GPX2: variants seen among roughly 807,000 people sequenced by gnomAD.
GPX2 encodes gastrointestinal glutathione peroxidase.
GPX2 carries 21 observed loss-of-function variants against 14.1 expected under a neutral mutation model. That is an observed-to-expected ratio of 1.48 (90% confidence interval 1.05 to 2.14). The LOEUF (loss-of-function observed/expected upper bound fraction) is 2.14, where lower values mean the gene tolerates loss of function less well. Among genes scored for constraint, GPX2 ranks in the 30% most tolerant of loss-of-function variants. GPX2 has a pLI of 0.00. For missense variants in GPX2, 241 were observed against 249.8 expected (o/e 0.96, Z 0.24); for synonymous variants, 94 against 95.2 (o/e 0.99, Z 0.07).
At chr14:64,941,364 T>G (rs1393142110) in intron 1 of GPX2, 1 of 1,275,588 alleles carries the variant, frequency 7.8e-7, no homozygotes, top group Admixed American at 2.4e-5. Flanking sequence ...CACTGTACCC[T>G]GGCAGATTTC....
chr14:64,940,344 C>T lies in GPX2; in HGVS notation c.223-506G>A, dbSNP rs1885565104. 6.2e-6 allele frequency: 3 copies of T among 481,680 alleles called. No homozygotes were observed. Among genetic ancestry groups the T allele is most frequent in the Non-Finnish European group, 1.2e-5 (3 of 254,094 alleles). 29.8% of individuals were successfully genotyped at this position (481,680 alleles called of 1,614,324 possible). A position where few individuals can be genotyped will look rare whatever the true frequency, so the allele number is the denominator to read the frequency against. ...TTCCTTTCCTCTGCCCTGGTTTTGC[C>T]TCGCCTGCTTTCAATTGCACGTGTG... is the stretch of plus-strand genomic sequence containing the variant. On this transcript the variant is annotated intron_variant, in intron 1 of 1. Coordinates refer to ENST00000389614, the MANE Select transcript of GPX2 (RefSeq NM_002083.4). The surrounding 1 kb of genome is among the most constrained non-coding windows in gnomAD (Gnocchi z 4.5).
rs1226431612 is a variant in GPX2 at position 64,940,981 on chromosome 14, C to G, written c.223-1143G>C. On this transcript the variant is annotated intron_variant, in intron 1 of 1. Transcript: ENST00000389614. This position sits in a 1 kb window ranked among gnomAD's most constrained non-coding sequence, Gnocchi z 4.5. ...CTGGGAGAAAGTTCCTGCTTCTGACCTGTGAGAACTAACTAGTTCAGTCAG... is the reference window on the plus strand; with the variant it reads ...CTGGGAGAAAGTTCCTGCTTCTGACGTGTGAGAACTAACTAGTTCAGTCAG... 6.6e-6 allele frequency among the ~76,000 whole-genome samples: 1 copy of G among 152,186 alleles called. No individual in the cohort carries two copies. The highest frequency in any genetic ancestry group is 1.5e-5 in the Non-Finnish European group (1 of 68,030).
Position 64,940,085 on chromosome 14 carries a change from T to G in GPX2, c.223-247A>C. On this transcript the variant is annotated intron_variant, in intron 1 of 1. Coordinates refer to ENST00000389614, the MANE Select transcript of GPX2 (RefSeq NM_002083.4). The surrounding 1 kb of genome is among the most constrained non-coding windows in gnomAD (Gnocchi z 4.5). ...ACACAGGCCACCATGCCCGGCTAAT[T>G]TTTTTTTTTTTTTGTAGAGATGGGG... is the stretch of plus-strand genomic sequence containing the variant. 1 of 1,045,542 alleles carries G rather than the reference T, an allele frequency of 9.6e-7. No homozygotes were observed. Among genetic ancestry groups the G allele is most frequent in the Non-Finnish European group, 1.3e-6 (1 of 790,148 alleles). 64.8% of individuals were successfully genotyped at this position (1,045,542 alleles called of 1,614,324 possible).
rs541259693 is a variant in GPX2, at chr14:64,939,342, CA to C, written c.*145del. 1.6e-4 allele frequency: 110 copies of C among 703,212 alleles called. 1 individual carries two copies. In the South Asian group the frequency reaches 1.9e-3, roughly 12 times the overall value. 43.6% of individuals were successfully genotyped at this position (703,212 alleles called of 1,614,324 possible). On this transcript the variant is annotated 3_prime_UTR_variant, in exon 2 of 2. Transcript: ENST00000389614. This position sits in a 1 kb window ranked among gnomAD's most constrained non-coding sequence, Gnocchi z 5.7. ...GGTTGGGAGAGGAAAAGGAAACAGG[CA>C]GAGGGGAAAGGCAAGGCTCTGCAGT...
chr14:64,940,022 T>G lies in GPX2; in HGVS notation c.223-184A>C, dbSNP rs1885541311. ...GCCTTGAACTTCTGGGCTCAAGCAT[T>G]CCTCCTGCTTCAGCCTCTTTAGTAG... On this transcript the variant is annotated intron_variant, in intron 1 of 1. Coordinates refer to ENST00000389614, the MANE Select transcript of GPX2 (RefSeq NM_002083.4). The surrounding 1 kb of genome is among the most constrained non-coding windows in gnomAD (Gnocchi z 4.5). 2 of 1,471,322 alleles carry G rather than the reference T, an allele frequency of 1.4e-6. No individual in the cohort carries two copies. Among genetic ancestry groups the G allele is most frequent in the Middle Eastern group, 2.4e-4 (1 of 4,082 alleles). 91.1% of individuals were successfully genotyped at this position (1,471,322 alleles called of 1,614,324 possible).
rs1298001718 is a variant in GPX2 at position 64,939,681 on chromosome 14, T to C, written c.380A>G (p.Tyr127Cys). ...AYLKDKLPYP[Y>C]DDPFSLMTDP... ...GGTCATGAGGGAAAATGGGTCATCA[T>C]AAGGGTAGGGGAGCTTGTCCTTCAG... The change falls in exon 2 of 2, where the codon TAT becomes TGT. Residue 127 changes from tyrosine (Y) to cysteine (C), a missense_variant. Physicochemically the swap from Tyr to Cys is radical, Grantham distance 194. Coordinates refer to ENST00000389614, the MANE Select transcript of GPX2 (RefSeq NM_002083.4). The surrounding 1 kb of genome is among the most constrained non-coding windows in gnomAD (Gnocchi z 5.7). The C allele has an allele frequency of 1.9e-6, 3 of 1,614,046 alleles. No individual in the cohort carries two copies. The highest frequency in any genetic ancestry group is 1.7e-6 in the Non-Finnish European group (2 of 1,179,994).
Position 64,942,646 on chromosome 14 carries a change from C to G in GPX2, c.81G>C (p.Arg27=). The change falls in exon 1 of 2, where the codon CGG becomes CGC. Residue 27 remains arginine, a synonymous_variant. Transcript: ENST00000389614. The stretch of plus-strand genomic sequence containing the variant: ...CATTCTCAATCAGCACGGCCCTGCC[C>G]CGGAACGTATTGAAATCTACCTTCT... The part of the protein sequence containing the change: ...DGEKVDFNTF[R]GRAVLIENVA... 1 of 1,614,188 alleles carries G rather than the reference C, an allele frequency of 6.2e-7. No homozygotes were observed.
In GPX2 at chr14:64,939,695, C is replaced by T. The variant is rs1469856106; in HGVS notation, c.366G>A (p.Lys122=). The part of the protein sequence containing the change: ...EHPVFAYLKD[K]LPYPYDDPFS... ...ATGGGTCATCATAAGGGTAGGGGAGCTTGTCCTTCAGGTAGGCGAAGACAG... is the reference window on the plus strand; with the variant it reads ...ATGGGTCATCATAAGGGTAGGGGAGTTTGTCCTTCAGGTAGGCGAAGACAG... The change falls in exon 2 of 2, where the codon AAG becomes AAA. Residue 122 remains lysine, a synonymous_variant. Coordinates refer to ENST00000389614, the MANE Select transcript of GPX2 (RefSeq NM_002083.4). This position sits in a 1 kb window ranked among gnomAD's most constrained non-coding sequence, Gnocchi z 5.7. The T allele has an allele frequency of 6.2e-7, 1 of 1,614,100 alleles. No individual in the cohort carries two copies. Among genetic ancestry groups the T allele is most frequent in the Non-Finnish European group, 8.5e-7 (1 of 1,180,020 alleles).
chr14:64,941,066 T>A (rs541698894), intron 1 of GPX2, among the ~76,000 whole-genome samples: 23 of 152,314 alleles, frequency 1.5e-4, no homozygotes, highest in African/African-American at 5.3e-4. Context: ...TCTCTGTTTT[T>A]GTTTCTGTTT....
Position 64,939,864 on chromosome 14 carries a change from G to A in GPX2, c.223-26C>T, listed in dbSNP as rs544721197. 146 of 1,606,538 alleles carry A rather than the reference G, an allele frequency of 9.1e-5. No individual in the cohort carries two copies. The highest frequency in any genetic ancestry group is 2.5e-4 in the Admixed American group (15 of 59,696). On this transcript the variant is annotated intron_variant, in intron 1 of 1. Transcript: ENST00000389614. This position sits in a 1 kb window ranked among gnomAD's most constrained non-coding sequence, Gnocchi z 5.7. The stretch of plus-strand genomic sequence containing the variant: ...CTAGGGGAGGAAAAAGACAAAGTGC[G>A]TGGACAGTGGGTGGGGGAAGAGAAA...
chr14:64,942,605 C>T lies in GPX2; in HGVS notation c.122G>A (p.Gly41Asp), dbSNP rs1227179068. 9 of 1,614,094 alleles carry T rather than the reference C, an allele frequency of 5.6e-6. No homozygotes were observed. Among genetic ancestry groups the T allele is most frequent in the African/African-American group, 1.3e-5 (1 of 74,938 alleles). ...CTGGGTGAAGTCCCGGGTGGTTGTG[C>T]CTCAGAGCGAAGCCACATTCTCAAT... is the stretch of plus-strand genomic sequence containing the variant. The part of the protein sequence containing the change: ...VLIENVASLU[G>D]TTTRDFTQLN... The change falls in exon 1 of 2, where the codon GGC (glycine) becomes GAC (aspartate). Residue 41 changes from glycine to aspartate, a missense_variant. Gly to Asp is a moderately conservative substitution (Grantham distance 94). Transcript: ENST00000389614.
intron 1 of GPX2, among the ~76,000 whole-genome samples, chr14:64,941,018 C>T (rs1312903444): frequency 2.6e-5 from 4 of 152,206 alleles, no homozygotes; most frequent in African/African-American, 9.6e-5. Context: ...TCCAGGCCAT[C>T]ATGACATCAT....
intron 1 of GPX2, chr14:64,941,174 C>T: frequency 3.7e-6 from 1 of 267,814 alleles, no homozygotes; most frequent in South Asian, 3.3e-5. Context: ...TCAGGCGATC[C>T]TGCTACTTCA....
rs151127021 is a variant in GPX2 at position 64,939,949 on chromosome 14, C to T, written c.223-111G>A. ...CTCCCTCCCCAGGGTCATTCTTTTTCACTGTGAAAGAGAGAGAGACAAGAC... is the reference window on the plus strand; with the variant it reads ...CTCCCTCCCCAGGGTCATTCTTTTTTACTGTGAAAGAGAGAGAGACAAGAC... On this transcript the variant is annotated intron_variant, in intron 1 of 1. Transcript: ENST00000389614. This position sits in a 1 kb window ranked among gnomAD's most constrained non-coding sequence, Gnocchi z 5.7. 631 of 1,461,914 alleles carry T rather than the reference C, an allele frequency of 4.3e-4. 6 individuals are homozygous for T. In the East Asian group the frequency reaches 0.015, roughly 36 times the overall value. The allele number at this position is 1,461,914 out of a possible 1,614,324, so 90.6% of individuals were successfully genotyped here.
intron 1 of GPX2, chr14:64,941,304 G>T: frequency 9.2e-7 from 1 of 1,086,970 alleles, no homozygotes; most frequent in Non-Finnish European, 1.2e-6. Flanking sequence ...CTGAGCTCAA[G>T]CAATCTGCCT....
rs1245300734 is a variant in GPX2 at position 64,942,620 on chromosome 14, A to G, written c.107T>C (p.Val36Ala). The G allele has an allele frequency of 1.2e-6, 2 of 1,614,108 alleles. No homozygotes were observed. Among genetic ancestry groups the G allele is most frequent in the African/African-American group, 2.7e-5 (2 of 74,942 alleles). ...FRGRAVLIEN[V>A]ASLUGTTTRD... is the part of the protein sequence containing the mutation. ...GGTGGTTGTGCCTCAGAGCGAAGCC[A>G]CATTCTCAATCAGCACGGCCCTGCC... is the stretch of plus-strand genomic sequence containing the variant. Residue 36 changes from valine (V) to alanine (A), a missense_variant, in exon 1 of 2, where the codon GTG becomes GCG. Coordinates refer to ENST00000389614, the MANE Select transcript of GPX2 (RefSeq NM_002083.4).
rs1175479562 is a variant in GPX2, at chr14:64,939,831, C to T, written c.230G>A (p.Cys77Tyr). ...ACTGTTCAGGATCTCCTCATTCTGA[C>T]AGTTCTCCTAGGGGAGGAAAAAGAC... ...PCNQFGHQEN[C>Y]QNEEILNSLK... Residue 77 changes from cysteine (C) to tyrosine (Y), a missense_variant, in exon 2 of 2, where the codon TGT becomes TAT. Cys to Tyr is a radical substitution (Grantham distance 194). Coordinates refer to ENST00000389614, the MANE Select transcript of GPX2 (RefSeq NM_002083.4). The surrounding 1 kb of genome is among the most constrained non-coding windows in gnomAD (Gnocchi z 5.7). The T allele has an allele frequency of 1.7e-5, 27 of 1,613,168 alleles. No homozygotes were observed. The highest frequency in any genetic ancestry group is 2.0e-5 in the Non-Finnish European group (24 of 1,179,368).
In GPX2 at chr14:64,939,691, G is replaced by A; in HGVS notation, c.370C>T (p.Pro124Ser). Residue 124 changes from proline (P) to serine (S), a missense_variant, in exon 2 of 2, where the codon CCC (proline) becomes TCC (serine). Physicochemically the swap from Pro to Ser is moderately conservative, Grantham distance 74 (BLOSUM62 -1). Transcript: ENST00000389614. This position sits in a 1 kb window ranked among gnomAD's most constrained non-coding sequence, Gnocchi z 5.7. ...GAAAATGGGTCATCATAAGGGTAGG[G>A]GAGCTTGTCCTTCAGGTAGGCGAAG... is the stretch of plus-strand genomic sequence containing the variant. ...PVFAYLKDKLPYPYDDPFSLM... is the reference protein window; with the variant it reads ...PVFAYLKDKLSYPYDDPFSLM... 1.2e-6 allele frequency: 2 copies of A among 1,614,126 alleles called. No individual in the cohort carries two copies. Among genetic ancestry groups the A allele is most frequent in the Non-Finnish European group, 8.5e-7 (1 of 1,180,020 alleles).
rs931469590 is a variant in GPX2 at position 64,940,279 on chromosome 14, A to G, written c.223-441T>C. On this transcript the variant is annotated intron_variant, in intron 1 of 1. Coordinates refer to ENST00000389614, the MANE Select transcript of GPX2 (RefSeq NM_002083.4). The surrounding 1 kb of genome is among the most constrained non-coding windows in gnomAD (Gnocchi z 4.5). ...AACCTCCTCTTCAACTAACCTACCG[A>G]CCCACCTACCCATAAATCCATACCT... 6 of 803,474 alleles carry G rather than the reference A, an allele frequency of 7.5e-6. No individual in the cohort carries two copies. In the Admixed American group the frequency reaches 9.3e-5, roughly 12 times the overall value. The allele number at this position is 803,474 out of a possible 1,614,324, so 49.8% of individuals were successfully genotyped here. A position where few individuals can be genotyped will look rare whatever the true frequency, so the allele number is the denominator to read the frequency against.
Sources: allele counts gnomAD v4.1 joint callset (sites outside exome capture counted in the v4.1 genomes callset), GRCh38; gene constraint gnomAD v4.1.1; non-coding constraint Gnocchi (gnomAD v3.1); transcripts MANE v1.5; gene names NCBI Gene and HGNC (gene_info 2026-07-23, HGNC 2026-07-21).